The following NRG4 variants were observed in gnomAD, a reference collection of about 807,000 sequenced individuals.
NRG4 encodes the protein neuregulin 4, also known as pro-neuregulin-4, membrane-bound isoform.
Under a neutral mutation model 15.0 loss-of-function variants are expected in NRG4, and 10 were observed. The ratio of observed to expected loss-of-function variants is 0.67; its 90% CI spans 0.41 to 1.13. The LOEUF is 1.13. Ranked by LOEUF, NRG4 falls within the 50% of genes most tolerant of loss-of-function variation. The pLI is 0.00. For synonymous variants in NRG4, 41 were observed against 50.1 expected (o/e 0.82, Z 0.77); for missense variants, 139 against 140.2 (o/e 0.99, Z 0.04).
chr15:75,985,854 A>G (rs1567092437), intron 3 of NRG4, among the ~76,000 whole-genome samples: 1 of 152,162 alleles, frequency 6.6e-6, no homozygotes. Flanking sequence ...AAAAAATCAC[A>G]AGACAAGTGA....
At chr15:76,028,637 C>T (rs981212673) in intron 5 of NRG4, among the ~76,000 whole-genome samples, 2 of 151,052 alleles carry the variant, frequency 1.3e-5, no homozygotes, top group Non-Finnish European at 1.5e-5. Flanking sequence ...TGGTGGCTCA[C>T]GCCTGTAATC....
chr15:75,964,318 A>G lies in NRG4; in HGVS notation c.105-2344T>C, dbSNP rs1340907636. 3.3e-5 allele frequency among the ~76,000 whole-genome samples: 5 copies of G among 152,050 alleles called. No individual in the cohort carries two copies. In the East Asian group the frequency reaches 9.6e-4, roughly 29 times the overall value. The stretch of plus-strand genomic sequence containing the variant: ...CAAAAGTATCTTTAAAATAACAAAA[A>G]TAAAATAAAACCCTTCTATCATTCC... On this transcript the variant is annotated intron_variant, in intron 3 of 5. Coordinates refer to ENST00000394907, the MANE Select transcript of NRG4 (RefSeq NM_138573.4).
At position 75,959,842 on chromosome 15, in the gene NRG4, G is replaced by A. The variant is rs116186657; in HGVS notation, c.251+1986C>T. On this transcript the variant is annotated intron_variant, in intron 4 of 5. Transcript: ENST00000394907. ...TGCTGGCTAGTGAGTTATGTCAGTA[G>A]TGATGTGTGTCACTTCTGGGACAGA... is the stretch of plus-strand genomic sequence containing the variant. Among the ~76,000 whole-genome samples the A allele has an allele frequency of 8.8e-3, 1,339 of 152,254 alleles. 22 individuals carry two copies. Among genetic ancestry groups the A allele is most frequent in the African/African-American group, 0.031 (1,276 of 41,536 alleles).
chr15:75,995,513 C>T (rs1454189103), intron 3 of NRG4, among the ~76,000 whole-genome samples: 3 of 151,888 alleles, frequency 2.0e-5, no homozygotes, highest in African/African-American at 4.8e-5. Flanking sequence ...TCCCACTAGG[C>T]CCCCCCGCCC....
chr15:75,971,069 G>A (rs1433697534), intron 3 of NRG4: 1 of 255,936 alleles, frequency 3.9e-6, no homozygotes, highest in African/African-American at 2.3e-5. Flanking sequence ...TTATGCTAAT[G>A]CAAATGAATT....
intron 3 of NRG4, among the ~76,000 whole-genome samples, chr15:75,989,467 T>G (rs1393369289): frequency 6.6e-6 from 1 of 152,124 alleles, no homozygotes; most frequent in Non-Finnish European, 1.5e-5. Context: ...TGAGATACCT[T>G]AACACATACA....
At chr15:76,041,940 G>A (rs528830421) in intron 4 of NRG4, among the ~76,000 whole-genome samples, 2 of 152,132 alleles carry the variant, frequency 1.3e-5, no homozygotes, top group East Asian at 1.9e-4. Flanking sequence ...CAAAAAACAA[G>A]TCTTAAAGTA....
chr15:75,951,322 C>G (rs539369766), intron 5 of NRG4, among the ~76,000 whole-genome samples: 1 of 151,826 alleles, frequency 6.6e-6, no homozygotes, highest in Non-Finnish European at 1.5e-5. Flanking sequence ...CGCCTGCCAC[C>G]ACGCCCAGCT....
upstream of NRG4, among the ~76,000 whole-genome samples, chr15:76,015,241 G>A (rs575664784): frequency 5.3e-5 from 8 of 152,318 alleles, no homozygotes; most frequent in East Asian, 1.5e-3. Context: ...GAGTTTTGGG[G>A]CTGAGATGAT....
chr15:76,041,769 C>A (rs1249326192), intron 4 of NRG4, among the ~76,000 whole-genome samples: 2 of 152,126 alleles, frequency 1.3e-5, no homozygotes, highest in Non-Finnish European at 2.9e-5. Flanking sequence ...TTGGACAGAT[C>A]TTCCAGACAG....
At chr15:76,056,901 T>G (rs538069682) in intron 2 of NRG4, 2 of 152,338 alleles carry the variant, frequency 1.3e-5, no homozygotes, top group African/African-American at 4.8e-5. Flanking sequence ...ATTTATGTGA[T>G]CCTGGTACTC....
At chr15:75,952,506 C>A (rs1395570627) in intron 5 of NRG4, among the ~76,000 whole-genome samples, 1 of 151,836 alleles carries the variant, frequency 6.6e-6, no homozygotes, top group Admixed American at 6.6e-5. Flanking sequence ...TGACTAATTT[C>A]TACTTTTTGG....
downstream of NRG4, chr15:75,936,085 CCACAAA>C (rs2030313846): frequency 1.3e-5 from 2 of 152,156 alleles, no homozygotes; most frequent in Non-Finnish European, 2.9e-5. Flanking sequence ...CTGCGCCCAG[CCACAAA>C]TCTGAGAACT....
chr15:75,946,721 C>T (rs2031542993), intron 5 of NRG4, among the ~76,000 whole-genome samples: 1 of 152,152 alleles, frequency 6.6e-6, no homozygotes, highest in African/African-American at 2.4e-5. Flanking sequence ...CTCCCTATTC[C>T]TCCCGACAGC....
intron 3 of NRG4, among the ~76,000 whole-genome samples, chr15:75,974,653 T>G (rs1384114966): frequency 6.6e-6 from 1 of 152,212 alleles, no homozygotes; most frequent in Non-Finnish European, 1.5e-5. Flanking sequence ...TCAGTTTCCA[T>G]GTAGTTGTGT....
intron 4 of NRG4, among the ~76,000 whole-genome samples, chr15:76,037,154 T>C (rs2035615740): frequency 6.6e-6 from 1 of 152,176 alleles, no homozygotes; most frequent in East Asian, 1.9e-4. Context: ...GATGGCAGAA[T>C]GGAAGGTCCT....
At chr15:76,018,541 C>T (rs543175260) in intron 5 of NRG4, among the ~76,000 whole-genome samples, 4 of 152,026 alleles carry the variant, frequency 2.6e-5, no homozygotes, top group Non-Finnish European at 5.9e-5. Context: ...GATGTTGATG[C>T]GATTCCTTTC....
intron 5 of NRG4, among the ~76,000 whole-genome samples, chr15:76,035,135 T>C (rs915110079): frequency 6.6e-6 from 1 of 152,208 alleles, no homozygotes; most frequent in South Asian, 2.1e-4. Flanking sequence ...TGTTCAACAA[T>C]GCCCCAGTCT....
chr15:75,966,154 A>G (rs1567080466), intron 3 of NRG4, among the ~76,000 whole-genome samples: 1 of 152,246 alleles, frequency 6.6e-6, no homozygotes, highest in Non-Finnish European at 1.5e-5. Flanking sequence ...CGTTTAGTAC[A>G]TTGACATGAA....
Sources: gnomAD v4.1 joint callset for allele counts (sites outside exome capture counted in the v4.1 genomes callset) on GRCh38, gnomAD v4.1.1 for gene constraint, MANE v1.5 for transcripts, NCBI Gene and HGNC (gene_info 2026-07-23, HGNC 2026-07-21) for gene names.